The following ELAVL1 variants were observed in gnomAD, a reference collection of about 807,000 sequenced individuals.
The protein encoded by ELAVL1 is ELAV like RNA binding protein 1, also known as ELAV-like protein 1.
ELAVL1 carries 1 observed loss-of-function variant against 28.4 expected under a neutral mutation model. The ratio of observed to expected loss-of-function variants is 0.04; its 90% CI spans 0.01 to 0.17. The LOEUF (loss-of-function observed/expected upper bound fraction) is 0.17, where lower values mean the gene tolerates loss of function less well. ELAVL1 is among the 10% of genes least tolerant of loss of function. ELAVL1 has a pLI of 1.00. For missense variants in ELAVL1, 157 were observed against 447.2 expected (o/e 0.35, Z 5.85); for synonymous variants, 174 against 183.5 (o/e 0.95, Z 0.42).
intron 1 of ELAVL1, among the ~76,000 whole-genome samples, chr19:8,001,096 TG>T (rs1418775442): frequency 6.6e-6 from 1 of 152,188 alleles, no homozygotes; most frequent in African/African-American, 2.4e-5. Flanking sequence ...CTTCCTCCAC[TG>T]GGGATGTCAC....
intron 5 of ELAVL1, among the ~76,000 whole-genome samples, chr19:7,966,971 G>A (rs144969878): frequency 5.3e-5 from 8 of 151,942 alleles, no homozygotes; most frequent in African/African-American, 1.7e-4. Flanking sequence ...TAGGAACTGC[G>A]TGCTGAAGCT....
intron 2 of ELAVL1, among the ~76,000 whole-genome samples, chr19:7,983,089 G>A (rs1003894071): frequency 6.6e-6 from 1 of 152,222 alleles, no homozygotes; most frequent in Non-Finnish European, 1.5e-5. Context: ...TGGCCCTGAC[G>A]TAGCAGCTAT....
At chr19:7,970,933 C>T (rs1195312122) in intron 4 of ELAVL1, among the ~76,000 whole-genome samples, 3 of 152,200 alleles carry the variant, frequency 2.0e-5, no homozygotes, top group African/African-American at 4.8e-5. Flanking sequence ...CTGCCACACA[C>T]ACTCTGTCTC....
rs8108757 is a variant in ELAVL1 at position 8,002,241 on chromosome 19, C to T, written c.-17+3254G>A. Reference sequence around the variant, plus strand: ...AAAAGCCCCACCCTATTGTCTTTGCCTGGTTAGCTCCTCCCCACCGCTACT... The same window carrying T: ...AAAAGCCCCACCCTATTGTCTTTGCTTGGTTAGCTCCTCCCCACCGCTACT... On this transcript the variant is annotated intron_variant, in intron 1 of 5. Transcript: ENST00000407627. 8,312 of 708,074 alleles carry T rather than the reference C, an allele frequency of 0.012. 497 individuals carry two copies. In the African/African-American group the frequency reaches 0.13, roughly 11 times the overall value. 43.9% of individuals were successfully genotyped at this position (708,074 alleles called of 1,614,324 possible).
At chr19:7,971,871 A>G (rs780552451) in intron 4 of ELAVL1, among the ~76,000 whole-genome samples, 4 of 152,144 alleles carry the variant, frequency 2.6e-5, no homozygotes, top group Non-Finnish European at 5.9e-5. Flanking sequence ...AAGGCCGCCC[A>G]CCCCAAAGCA....
intron 4 of ELAVL1, among the ~76,000 whole-genome samples, chr19:7,971,033 C>T (rs1985096273): frequency 6.6e-6 from 1 of 152,216 alleles, no homozygotes; most frequent in African/African-American, 2.4e-5. Flanking sequence ...GGAGACCCTC[C>T]TGGCTCCCTT....
In ELAVL1 at chr19:7,970,062, T is replaced by A. The variant is rs753867770; in HGVS notation, c.431-2272A>T. 6.0e-4 allele frequency among the ~76,000 whole-genome samples: 91 copies of A among 152,236 alleles called. No individual in the cohort carries two copies. In the Middle Eastern group the frequency reaches 0.02, roughly 34 times the overall value. On this transcript the variant is annotated intron_variant, in intron 4 of 5. Coordinates refer to ENST00000407627, the MANE Select transcript of ELAVL1 (RefSeq NM_001419.3). ...ATCTCAGCTCACTGCAACCTCCACC[T>A]CCCCGGTTCAAGTGATTCTCCTGCT...
chr19:7,985,325 G>T (rs979366814), intron 2 of ELAVL1, among the ~76,000 whole-genome samples: 1 of 152,216 alleles, frequency 6.6e-6, no homozygotes, highest in Non-Finnish European at 1.5e-5. Flanking sequence ...AAGTGCAAAC[G>T]GGCCCCCAAG....
chr19:7,991,910 C>T, intron 1 of ELAVL1, 79 bp from the exon 2 acceptor site: 4 of 1,088,996 alleles, frequency 3.7e-6, no homozygotes, highest in Non-Finnish European at 3.8e-6. Context: ...ACTGCATTTG[C>T]ACTTAGAGAT....
intron 2 of ELAVL1, among the ~76,000 whole-genome samples, chr19:7,985,772 C>T (rs993364225): frequency 3.3e-5 from 5 of 152,160 alleles, no homozygotes; most frequent in East Asian, 3.9e-4. Flanking sequence ...ATGCAGAACC[C>T]GGGAGTGAAA....
intron 1 of ELAVL1, chr19:8,002,072 C>T: frequency 1.6e-6 from 2 of 1,289,344 alleles, no homozygotes; most frequent in Non-Finnish European, 2.0e-6. Context: ...ACAGCCAAGC[C>T]CTCTGCCCAG....
intron 1 of ELAVL1, among the ~76,000 whole-genome samples, chr19:8,003,527 C>G (rs2081076243): frequency 6.6e-6 from 1 of 151,734 alleles, no homozygotes; most frequent in South Asian, 2.1e-4. Context: ...CCCGTCTCTA[C>G]TAAAAGTACA....
rs145288081 is a variant in ELAVL1, at chr19:7,981,355, C to CTTTT, written c.173-173_173-170dup. The stretch of plus-strand genomic sequence containing the variant: ...CATTTTCTGCAATGAACACAGGTTC[C>CTTTT]TTTTTTTTTTTTTTTTTAAAGAGAT... On this transcript the variant is annotated intron_variant, in intron 2 of 5. Transcript: ENST00000407627. This position sits in a 1 kb window ranked among gnomAD's most constrained non-coding sequence, Gnocchi z 4.2. Among the ~76,000 whole-genome samples the CTTTT allele has an allele frequency of 7.1e-6, 1 of 140,706 alleles. No homozygotes were observed. The highest frequency in any genetic ancestry group is 2.1e-4 in the East Asian group (1 of 4,848). 92.3% of individuals were successfully genotyped at this position (140,706 alleles called of 152,430 possible). A position where few individuals can be genotyped will look rare whatever the true frequency, so the allele number is the denominator to read the frequency against.
chr19:8,000,833 C>A (rs2081065339), intron 1 of ELAVL1, among the ~76,000 whole-genome samples: 1 of 152,242 alleles, frequency 6.6e-6, no homozygotes, highest in South Asian at 2.1e-4. Context: ...AAGCCCGGGG[C>A]AGGAGCAGGT....
chr19:7,982,241 G>A lies in ELAVL1; in HGVS notation c.173-1055C>T, dbSNP rs1985484523. 6.6e-6 allele frequency among the ~76,000 whole-genome samples: 1 copy of A among 152,228 alleles called. No individual in the cohort carries two copies. The highest frequency in any genetic ancestry group is 1.5e-5 in the Non-Finnish European group (1 of 68,040). ...ATGCTCTCACTAAAGGGGAAGTGAG[G>A]AGGCACAGGGAAGAGCGCAATCCCC... On this transcript the variant is annotated intron_variant, in intron 2 of 5. Transcript: ENST00000407627. This position sits in a 1 kb window ranked among gnomAD's most constrained non-coding sequence, Gnocchi z 4.3.
In ELAVL1 at chr19:7,981,146, C is replaced by T. The variant is rs754355375; in HGVS notation, c.213G>A (p.Ala71=). Residue 71 remains alanine (A), a synonymous_variant, in exon 3 of 6, where the codon GCG becomes GCA. Coordinates refer to ENST00000407627, the MANE Select transcript of ELAVL1 (RefSeq NM_001419.3). The surrounding 1 kb of genome is among the most constrained non-coding windows in gnomAD (Gnocchi z 4.2). ...LGYGFVNYVT[A]KDAERAINTL... ...TGTTGATCGCTCTCTCTGCATCCTTCGCGGTCACGTAGTTCACAAAGCCAT... is the reference window on the plus strand; with the variant it reads ...TGTTGATCGCTCTCTCTGCATCCTTTGCGGTCACGTAGTTCACAAAGCCAT... 8.1e-6 allele frequency: 13 copies of T among 1,614,010 alleles called. No individual in the cohort carries two copies. The highest frequency in any genetic ancestry group is 1.6e-4 in the Middle Eastern group (1 of 6,084).
At chr19:7,996,518 A>G (rs1400762321) in intron 1 of ELAVL1, among the ~76,000 whole-genome samples, 2 of 150,650 alleles carry the variant, frequency 1.3e-5, no homozygotes, top group African/African-American at 2.4e-5. Flanking sequence ...CTCTCAAAAC[A>G]GAAGCAGGCT....
intron 2 of ELAVL1, among the ~76,000 whole-genome samples, chr19:7,990,735 C>T (rs984869895): frequency 6.6e-6 from 1 of 152,090 alleles, no homozygotes; most frequent in African/African-American, 2.4e-5. Flanking sequence ...CCCGAGAGGA[C>T]TGGCCGCTCC....
At chr19:8,001,689 C>A (rs1013937901) in intron 1 of ELAVL1, among the ~76,000 whole-genome samples, 1 of 151,650 alleles carries the variant, frequency 6.6e-6, no homozygotes, top group Non-Finnish European at 1.5e-5. Context: ...TGGTCTTGAA[C>A]TCCTGGCCTT....
Sources: allele counts gnomAD v4.1 joint callset (sites outside exome capture counted in the v4.1 genomes callset), GRCh38; gene constraint gnomAD v4.1.1; non-coding constraint Gnocchi (gnomAD v3.1); transcripts MANE v1.5; gene names NCBI Gene and HGNC (gene_info 2026-07-23, HGNC 2026-07-21).